Variants in RFX3 observed in about 807,000 individuals in gnomAD.
RFX3 encodes the protein regulatory factor X3.
A neutral mutation model predicts 98.6 loss-of-function variants in RFX3; 14 were observed. That is an observed-to-expected ratio of 0.14 (90% CI 0.09 to 0.22). RFX3 has a LOEUF of 0.22. Ranked by LOEUF, RFX3 falls within the 10% of genes least tolerant of loss-of-function variation. RFX3 has a pLI of 1.00. For synonymous variants in RFX3, 383 were observed against 328.4 expected, an observed-to-expected ratio of 1.17 and a Z score of -1.80; for missense variants, 639 against 926.9, an observed-to-expected ratio of 0.69 and a Z score of 4.03.
chr9:3,454,347 A>G (rs1260289685), intron 1 of RFX3, among the ~76,000 whole-genome samples: 1 of 152,244 alleles, frequency 6.6e-6, no homozygotes, highest in Non-Finnish European at 1.5e-5. Context: ...AACTTCAGAT[A>G]TGTATGTTCT....
intron 1 of RFX3, among the ~76,000 whole-genome samples, chr9:3,496,028 C>G (rs1851084509): frequency 6.6e-6 from 1 of 151,900 alleles, no homozygotes; most frequent in Non-Finnish European, 1.5e-5. Context: ...TTATGTGACT[C>G]CACTGTTACT....
At chr9:3,427,123 C>A (rs1044162432) in intron 1 of RFX3, among the ~76,000 whole-genome samples, 3 of 150,774 alleles carry the variant, frequency 2.0e-5, no homozygotes, top group African/African-American at 7.3e-5. Context: ...ATCTCAAGGT[C>A]TACTGCTATT....
chr9:3,406,989 C>T (rs1386546820), intron 1 of RFX3, among the ~76,000 whole-genome samples: 1 of 152,166 alleles, frequency 6.6e-6, no homozygotes, highest in Non-Finnish European at 1.5e-5. Context: ...TTAATAAGTA[C>T]ATCTGATTCG....
intron 1 of RFX3, among the ~76,000 whole-genome samples, chr9:3,524,827 GCACACACACA>G (rs34119220): frequency 0.035 from 4,503 of 128,180 alleles, 125 homozygotes; most frequent in African/African-American, 0.085. Context: ...TAAATCACAA[GCACACACACA>G]CACACACACA....
At chr9:3,324,108 G>A in intron 4 of RFX3, 1 of 396,054 alleles carries the variant, frequency 2.5e-6, no homozygotes, top group Non-Finnish European at 5.6e-6. Context: ...AGGGAAAAAG[G>A]GACACAGGAA....
At chr9:3,410,676 G>A (rs1237335978) in intron 1 of RFX3, among the ~76,000 whole-genome samples, 1 of 152,174 alleles carries the variant, frequency 6.6e-6, no homozygotes, top group Non-Finnish European at 1.5e-5. Flanking sequence ...GCTCGTAAGG[G>A]TAATCAGTTT....
intron 1 of RFX3, among the ~76,000 whole-genome samples, chr9:3,396,935 T>C (rs1443340145): frequency 6.6e-6 from 1 of 152,194 alleles, no homozygotes; most frequent in Non-Finnish European, 1.5e-5. Context: ...TGCCCTAAAC[T>C]TAGCCAAAGA....
At chr9:3,486,338 G>A (rs1453743780) in intron 1 of RFX3, among the ~76,000 whole-genome samples, 1 of 151,962 alleles carries the variant, frequency 6.6e-6, no homozygotes, top group Non-Finnish European at 1.5e-5. Context: ...ACAAGTTACG[G>A]CTCTCTTTAA....
chr9:3,331,841 T>A (rs1832637971), intron 3 of RFX3, among the ~76,000 whole-genome samples: 1 of 152,178 alleles, frequency 6.6e-6, no homozygotes, highest in Admixed American at 6.5e-5. Flanking sequence ...CACTGCCCTC[T>A]TTACTTCCTA....
chr9:3,233,455 C>G (rs1011914203), intron 15 of RFX3, among the ~76,000 whole-genome samples: 16 of 152,168 alleles, frequency 1.1e-4, no homozygotes, highest in Admixed American at 5.2e-4. Flanking sequence ...GGCAGGCAAG[C>G]CTTGTTCTGT....
chr9:3,431,356 G>A (rs1405241580), intron 1 of RFX3, among the ~76,000 whole-genome samples: 1 of 152,134 alleles, frequency 6.6e-6, no homozygotes, highest in Non-Finnish European at 1.5e-5. Flanking sequence ...ACAACAAAAA[G>A]TTGAATTGTT....
intron 11 of RFX3, among the ~76,000 whole-genome samples, chr9:3,267,808 G>GA (rs540500927): frequency 3.3e-5 from 5 of 151,548 alleles, no homozygotes; most frequent in South Asian, 2.1e-4. Context: ...GAAAAAGAGT[G>GA]AAAAAAAATT....
intron 2 of RFX3, among the ~76,000 whole-genome samples, chr9:3,373,259 C>A (rs1838064084): frequency 6.6e-6 from 1 of 152,124 alleles, no homozygotes; most frequent in South Asian, 2.1e-4. Context: ...TCAACATTTT[C>A]TTAAAGCTCT....
At chr9:3,512,313 A>G (rs937891995) in intron 1 of RFX3, among the ~76,000 whole-genome samples, 8 of 151,626 alleles carry the variant, frequency 5.3e-5, no homozygotes, top group Admixed American at 1.3e-4. Flanking sequence ...AGAAGGTACT[A>G]CTTTGTTAAA....
At chr9:3,232,120 A>G (rs2130716555) in intron 15 of RFX3, among the ~76,000 whole-genome samples, 1 of 152,040 alleles carries the variant, frequency 6.6e-6, no homozygotes, top group Non-Finnish European at 1.5e-5. Flanking sequence ...ATTTAGATGA[A>G]AAAAAAAGGA....
chr9:3,316,030 C>G (rs2986702), intron 4 of RFX3, among the ~76,000 whole-genome samples: 2 of 151,970 alleles, frequency 1.3e-5, no homozygotes, highest in African/African-American at 4.8e-5. Context: ...TTTTATGAGG[C>G]CAACATCATC....
At chr9:3,473,367 G>A (rs1016498935) in intron 1 of RFX3, among the ~76,000 whole-genome samples, 2 of 152,138 alleles carry the variant, frequency 1.3e-5, no homozygotes. Context: ...TGAACTGAGA[G>A]ATCTGAAAAT....
chr9:3,451,823 T>G (rs1846662626), intron 1 of RFX3, among the ~76,000 whole-genome samples: 1 of 151,852 alleles, frequency 6.6e-6, no homozygotes, highest in Admixed American at 6.6e-5. Flanking sequence ...TAAAAAGATG[T>G]ATTTTAAAAG....
intron 3 of RFX3, among the ~76,000 whole-genome samples, chr9:3,336,675 TAGAA>T (rs1460772429): frequency 2.6e-5 from 4 of 152,172 alleles, no homozygotes; most frequent in Admixed American, 2.6e-4. Context: ...AGAAAGCTGT[TAGAA>T]AGAAATGAGG....
Sources: gnomAD v4.1 joint callset for allele counts (sites outside exome capture counted in the v4.1 genomes callset) on GRCh38, gnomAD v4.1.1 for gene constraint, MANE v1.5 for transcripts, NCBI Gene and HGNC (gene_info 2026-07-23, HGNC 2026-07-21) for gene names.